KLHL2: variants seen among roughly 807,000 people sequenced by gnomAD.
The protein encoded by KLHL2 is kelch-like protein 2.
A neutral mutation model predicts 75.8 loss-of-function variants in KLHL2; 15 were observed. That is an observed-to-expected ratio of 0.20 (90% CI 0.13 to 0.30). The LOEUF (loss-of-function observed/expected upper bound fraction) is 0.30, where lower values mean the gene tolerates loss of function less well. Ranked by LOEUF, KLHL2 falls within the 10% of genes least tolerant of loss-of-function variation. The probability of loss-of-function intolerance (pLI) is 1.00; values close to 1 mark genes in which losing one functional copy is unlikely to be tolerated. For missense variants in KLHL2, 381 were observed against 741.0 expected (o/e 0.51, Z 5.64); for synonymous variants, 214 against 251.9 (o/e 0.85, Z 1.42).
At chr4:165,233,481 TC>T (rs907866050) in intron 3 of KLHL2, among the ~76,000 whole-genome samples, 1 of 152,202 alleles carries the variant, frequency 6.6e-6, no homozygotes, top group African/African-American at 2.4e-5. Context: ...ATTTCTTTTG[TC>T]ATATTGAACA....
chr4:165,305,532 G>C, intron 8 of KLHL2, 76 bp from the exon 9 acceptor site: 3 of 1,180,786 alleles, frequency 2.5e-6, no homozygotes, highest in Admixed American at 3.4e-5. Flanking sequence ...TCCCACACCA[G>C]TGTCTTTGTA....
At chr4:165,288,651 AC>A (rs1010231177) in intron 5 of KLHL2, among the ~76,000 whole-genome samples, 8 of 151,654 alleles carry the variant, frequency 5.3e-5, no homozygotes, top group Non-Finnish European at 1.2e-4. Flanking sequence ...CTACTGATGA[AC>A]TCTCTTTTGT....
chr4:165,304,316 C>G (rs567725539), intron 8 of KLHL2, among the ~76,000 whole-genome samples: 4 of 152,270 alleles, frequency 2.6e-5, no homozygotes, highest in African/African-American at 9.6e-5. Context: ...GGGATTTGCT[C>G]TCTGATTCAG....
chr4:165,236,655 T>C (rs1405932340), intron 3 of KLHL2, among the ~76,000 whole-genome samples: 4 of 152,242 alleles, frequency 2.6e-5, no homozygotes, highest in Admixed American at 1.3e-4. Context: ...TAAATAACTT[T>C]TACAATACTC....
intron 14 of KLHL2, 41 bp downstream of exon 14, chr4:165,318,010 G>T: frequency 6.3e-7 from 1 of 1,589,946 alleles, no homozygotes; most frequent in South Asian, 1.1e-5. Context: ...ACAAAAAGAT[G>T]ACCTCATTAT....
At chr4:165,235,804 G>A (rs2111080511) in intron 3 of KLHL2, among the ~76,000 whole-genome samples, 1 of 152,284 alleles carries the variant, frequency 6.6e-6, no homozygotes, top group Middle Eastern at 3.4e-3. Context: ...GAGTGGGTGG[G>A]GAGACAGAGA....
intron 5 of KLHL2, among the ~76,000 whole-genome samples, chr4:165,268,043 GGTGTATGT>G (rs1742378845): frequency 6.6e-6 from 1 of 151,954 alleles, no homozygotes; most frequent in African/African-American, 2.4e-5. Context: ...GTCTTGGGAG[GGTGTATGT>G]GTCCAGGAAT....
intron 3 of KLHL2, among the ~76,000 whole-genome samples, chr4:165,232,871 T>G (rs2111061721): frequency 6.7e-6 from 1 of 149,388 alleles, no homozygotes; most frequent in East Asian, 2.0e-4. Context: ...TCTGAAACCC[T>G]GTTAAGCTTT....
intron 8 of KLHL2, among the ~76,000 whole-genome samples, chr4:165,301,432 T>G (rs1413230784): frequency 2.0e-5 from 3 of 152,234 alleles, no homozygotes; most frequent in Non-Finnish European, 4.4e-5. Context: ...TCTCTGAGAT[T>G]TTTCAGAAAT....
At chr4:165,214,822 T>C (rs56370618) in intron 1 of KLHL2, among the ~76,000 whole-genome samples, 20 of 152,200 alleles carry the variant, frequency 1.3e-4, no homozygotes, top group Admixed American at 9.8e-4. Flanking sequence ...TTTAACTATA[T>C]ATGTTTAAAA....
At chr4:165,293,262 T>C (rs1231614556) in intron 5 of KLHL2, among the ~76,000 whole-genome samples, 7 of 152,172 alleles carry the variant, frequency 4.6e-5, no homozygotes, top group African/African-American at 1.7e-4. Context: ...ATTAAACTGA[T>C]AAGAACAGAT....
At position 165,207,741 on chromosome 4, in the gene KLHL2, C is replaced by T; in HGVS notation, c.-136C>T. The T allele has an allele frequency of 5.7e-6, 3 of 524,500 alleles. No individual in the cohort carries two copies. The highest frequency in any genetic ancestry group is 8.3e-6 in the Non-Finnish European group (3 of 359,988). The allele number at this position is 524,500 out of a possible 1,614,324, so 32.5% of individuals were successfully genotyped here. A position where few individuals can be genotyped will look rare whatever the true frequency, so the allele number is the denominator to read the frequency against. ...GGCCGCCGCCGCAGGTGGTGGCGCGCGGTGAGGAGAGCGCGGCGCCCCCTC... is the reference window on the plus strand; with the variant it reads ...GGCCGCCGCCGCAGGTGGTGGCGCGTGGTGAGGAGAGCGCGGCGCCCCCTC... On this transcript the variant is annotated 5_prime_UTR_variant, in exon 1 of 15. Coordinates refer to ENST00000226725, the MANE Select transcript of KLHL2 (RefSeq NM_007246.4). The surrounding 1 kb of genome is among the most constrained non-coding windows in gnomAD (Gnocchi z 4.2).
intron 8 of KLHL2, among the ~76,000 whole-genome samples, chr4:165,301,192 T>A (rs925978665): frequency 3.9e-5 from 6 of 152,230 alleles, no homozygotes; most frequent in Non-Finnish European, 8.8e-5. Flanking sequence ...GCATATAACA[T>A]CTGATGAGGT....
In KLHL2 at chr4:165,279,629, T is replaced by G. The variant is rs1201258938; in HGVS notation, c.545-14730T>G. ...CCCCACCAATGGCCCCAAAACTGCC[T>G]TCTTTGAGGCTGCCATGAAACCAGC... On this transcript the variant is annotated intron_variant, in intron 5 of 14. Transcript: ENST00000226725. 4 of 1,611,462 alleles carry G rather than the reference T, an allele frequency of 2.5e-6. No homozygotes were observed. The South Asian group carries it at 3.3e-5, about 13-fold the overall frequency.
intron 4 of KLHL2, among the ~76,000 whole-genome samples, chr4:165,256,456 G>T (rs1311524554): frequency 2.6e-5 from 4 of 151,892 alleles, no homozygotes; most frequent in Non-Finnish European, 5.9e-5. Flanking sequence ...AACGTGTAGA[G>T]CCTGGTTACT....
chr4:165,312,019 A>C (rs181004808), intron 11 of KLHL2, among the ~76,000 whole-genome samples: 1 of 152,080 alleles, frequency 6.6e-6, no homozygotes. Context: ...CCCACCTCAG[A>C]TCATCAGGCA....
chr4:165,299,247 A>G lies in KLHL2; in HGVS notation c.772-260A>G, dbSNP rs1372780942. ...AAGAGTTCATCATATTCCATAGCTAACATTGAAGTTTATCATTTTTCACTG... is the reference window on the plus strand; with the variant it reads ...AAGAGTTCATCATATTCCATAGCTAGCATTGAAGTTTATCATTTTTCACTG... On this transcript the variant is annotated intron_variant, in intron 7 of 14. Coordinates refer to ENST00000226725, the MANE Select transcript of KLHL2 (RefSeq NM_007246.4). 2.0e-5 allele frequency among the ~76,000 whole-genome samples: 3 copies of G among 152,154 alleles called. No homozygotes were observed. The East Asian group carries it at 5.8e-4, about 29-fold the overall frequency.
chr4:165,229,271 A>G (rs939291640), intron 3 of KLHL2, among the ~76,000 whole-genome samples: 5 of 152,246 alleles, frequency 3.3e-5, no homozygotes, highest in East Asian at 1.9e-4. Flanking sequence ...CCAGTGTTAC[A>G]TTGAACAAAA....
chr4:165,272,329 A>G (rs1003878972), intron 5 of KLHL2, among the ~76,000 whole-genome samples: 4 of 152,258 alleles, frequency 2.6e-5, no homozygotes, highest in Non-Finnish European at 4.4e-5. Context: ...AAAACCAAAG[A>G]CAAATATGAA....
Sources: allele counts gnomAD v4.1 joint callset (sites outside exome capture counted in the v4.1 genomes callset), GRCh38; gene constraint gnomAD v4.1.1; non-coding constraint Gnocchi (gnomAD v3.1); transcripts MANE v1.5; gene names NCBI Gene and HGNC (gene_info 2026-07-23, HGNC 2026-07-21).